The following PLS3 variants were observed in gnomAD, a reference collection of about 807,000 sequenced individuals.
PLS3 encodes the protein plastin-3.
In PLS3, 11 loss-of-function variants were observed where a neutral mutation model predicts 46.5. That is an observed-to-expected ratio of 0.24 (90% confidence interval 0.15 to 0.39). The LOEUF is 0.39. Among genes scored for constraint, PLS3 ranks in the 10% least tolerant of loss-of-function variants. The probability of loss-of-function intolerance (pLI) is 1.00; values close to 1 mark genes in which losing one functional copy is unlikely to be tolerated. For synonymous variants in PLS3, 167 were observed against 162.2 expected (o/e 1.03, Z -0.22); for missense variants, 308 against 461.8 (o/e 0.67, Z 3.05).
intron 1 of PLS3, among the ~76,000 whole-genome samples, chrX:115,577,635 G>A (rs1301554030): frequency 9.0e-6 from 1 of 110,557 alleles, no homozygotes; most frequent in Non-Finnish European, 1.9e-5. Context: ...GCACCACCAC[G>A]TCTGGATAAT....
chrX:115,632,745 C>T lies in PLS3; in HGVS notation c.501-1255C>T, dbSNP rs1433188939. Among the ~76,000 whole-genome samples, 5 of 109,705 alleles carry T rather than the reference C, an allele frequency of 4.6e-5. No individual in the cohort carries two copies. The Admixed American group carries it at 4.9e-4, about 11-fold the overall frequency. On this transcript the variant is annotated intron_variant, in intron 5 of 15. Transcript: ENST00000355899. ...AAAATATATTCAATAAAGTTCCACCCCCCACTTTTTTTTTTTTCTTTGAGA... is the reference window on the plus strand; with the variant it reads ...AAAATATATTCAATAAAGTTCCACCTCCCACTTTTTTTTTTTTCTTTGAGA...
At chrX:115,562,085 C>T (rs976095431) in intron 1 of PLS3, among the ~76,000 whole-genome samples, 66 of 110,359 alleles carry the variant, frequency 6.0e-4, no homozygotes, top group African/African-American at 2.1e-3. Context: ...TCTCCCGACT[C>T]TTGGAGAGGG....
intron 1 of PLS3, among the ~76,000 whole-genome samples, chrX:115,582,712 ACT>A (rs1250325126): frequency 8.9e-6 from 1 of 111,962 alleles, no homozygotes; most frequent in African/African-American, 3.2e-5. Context: ...GCTGAATTAA[ACT>A]CTCTCTGGAG....
At chrX:115,642,879 A>G (rs1390201142) in intron 9 of PLS3, among the ~76,000 whole-genome samples, 2 of 111,678 alleles carry the variant, frequency 1.8e-5, no homozygotes, top group Non-Finnish European at 3.8e-5. Context: ...ATTTTAACAT[A>G]ATTCTACTGA....
intron 3 of PLS3, among the ~76,000 whole-genome samples, chrX:115,623,999 G>T (rs2074683036): frequency 9.0e-6 from 1 of 111,719 alleles, no homozygotes; most frequent in Non-Finnish European, 1.9e-5. Context: ...GGAGGCCAAG[G>T]CGGGTGGATC....
At position 115,642,465 on chromosome X, in the gene PLS3, C is replaced by G. The variant is rs147381898; in HGVS notation, c.988-848C>G. Among the ~76,000 whole-genome samples the G allele has an allele frequency of 4.0e-3, 445 of 111,490 alleles. 1 individual carries two copies. The highest frequency in any genetic ancestry group is 0.013 in the African/African-American group (410 of 30,705). Reference sequence around the variant, plus strand: ...TGAAGGTGTCTGTCTTCTCCCTCAGCCAGGGAAGCCTACTTCCACAGCTCA... The same window carrying G: ...TGAAGGTGTCTGTCTTCTCCCTCAGGCAGGGAAGCCTACTTCCACAGCTCA... On this transcript the variant is annotated intron_variant, in intron 9 of 15. Coordinates refer to ENST00000355899, the MANE Select transcript of PLS3 (RefSeq NM_005032.7).
chrX:115,581,083 A>G (rs781931248), intron 1 of PLS3, among the ~76,000 whole-genome samples: 186 of 111,239 alleles, frequency 1.7e-3, no homozygotes, highest in African/African-American at 5.6e-3. Flanking sequence ...TTAATGGCCA[A>G]AATTGAAGTT....
At chrX:115,605,850 T>C (rs1194635976) in intron 1 of PLS3, among the ~76,000 whole-genome samples, 6 of 111,756 alleles carry the variant, frequency 5.4e-5, no homozygotes, top group Non-Finnish European at 1.1e-4. Context: ...TTTTTTCTTC[T>C]AAAAAAATGG....
At chrX:115,589,709 G>A (rs969485930) in intron 1 of PLS3, among the ~76,000 whole-genome samples, 2 of 112,196 alleles carry the variant, frequency 1.8e-5, no homozygotes, top group East Asian at 5.6e-4. Flanking sequence ...GATGAAAGTT[G>A]TAAGAGACTT....
At chrX:115,572,849 T>G (rs2074224303) in intron 1 of PLS3, among the ~76,000 whole-genome samples, 1 of 110,641 alleles carries the variant, frequency 9.0e-6, no homozygotes, top group Admixed American at 9.7e-5. Context: ...ATCCCAGCAA[T>G]TAGGGAGGCC....
intron 1 of PLS3, among the ~76,000 whole-genome samples, chrX:115,605,653 G>A (rs2074483611): frequency 9.1e-6 from 1 of 110,413 alleles, no homozygotes; most frequent in Admixed American, 9.7e-5. Context: ...TGGTAGAGAC[G>A]AGGTTTCACC....
At chrX:115,606,856 C>T (rs1418257998) in intron 1 of PLS3, among the ~76,000 whole-genome samples, 1 of 110,882 alleles carries the variant, frequency 9.0e-6, no homozygotes, top group East Asian at 2.8e-4. Context: ...TTTTTGGAGG[C>T]GAGGTCTCAC....
intron 1 of PLS3, among the ~76,000 whole-genome samples, chrX:115,570,935 G>A (rs1423978359): frequency 8.9e-5 from 8 of 89,566 alleles, no homozygotes; most frequent in Non-Finnish European, 1.7e-4. Flanking sequence ...TCACTGTGTC[G>A]TCCAGGCTGG....
At chrX:115,572,076 T>C (rs2522179) in intron 1 of PLS3, among the ~76,000 whole-genome samples, 19,111 of 111,557 alleles carry the variant, frequency 0.17, 1,520 homozygotes, top group East Asian at 0.36. Flanking sequence ...TATCATTAAG[T>C]GTAACTAACA....
chrX:115,576,003 G>C lies in PLS3; in HGVS notation c.-9+14743G>C, dbSNP rs2074246411. ...AAGTACATGATAAATGCTTTGAAATGCAATGGGTTCAATCAACCAAAAGCA... is the reference window on the plus strand; with the variant it reads ...AAGTACATGATAAATGCTTTGAAATCCAATGGGTTCAATCAACCAAAAGCA... On this transcript the variant is annotated intron_variant, in intron 1 of 15. Transcript: ENST00000355899. 2.7e-5 allele frequency among the ~76,000 whole-genome samples: 3 copies of C among 111,771 alleles called. No homozygotes were observed. The South Asian group carries it at 1.1e-3, about 42-fold the overall frequency.
chrX:115,640,332 C>A, intron 8 of PLS3, 76 bp from the exon 9 acceptor site: 1 of 714,412 alleles, frequency 1.4e-6, no homozygotes, highest in Non-Finnish European at 2.2e-6. Flanking sequence ...ATGCAAATAG[C>A]CTTCCAAACA....
chrX:115,622,272 G>T lies in PLS3; in HGVS notation c.100G>T (p.Asp34Tyr), dbSNP rs2074663910. The change falls in exon 3 of 16, where the codon GAC becomes TAC. Residue 34 changes from aspartate (D) to tyrosine (Y), a missense_variant. Physicochemically the swap from Asp to Tyr is radical, Grantham distance 160. Around this residue, in one of 2 missense-constraint regions of PLS3, gnomAD observed 37 missense variants for 26.1 expected, o/e 1.42. Transcript: ENST00000355899. ...TCTCAACAGCAACGGATTCATTTGTGACTATGAACTTCATGAGCTCTTCAA... is the reference window on the plus strand; with the variant it reads ...TCTCAACAGCAACGGATTCATTTGTTACTATGAACTTCATGAGCTCTTCAA... Reference protein sequence around the residue: ...VDLNSNGFICDYELHELFKEA... With the variant: ...VDLNSNGFICYYELHELFKEA... 3.3e-6 allele frequency: 4 copies of T among 1,197,020 alleles called. No homozygotes were observed. In the East Asian group the frequency reaches 1.2e-4, roughly 36 times the overall value.
At chrX:115,643,174 G>T in intron 9 of PLS3, 139 bp from the exon 10 acceptor site, 22 of 430,091 alleles carry the variant, frequency 5.1e-5, no homozygotes, top group African/African-American at 1.5e-4. Flanking sequence ...CTTTTTTTTT[G>T]CATTCAAAAC....
chrX:115,593,477 G>GTGT (rs1320781610), intron 1 of PLS3: 1 of 111,373 alleles, frequency 9.0e-6, no homozygotes, highest in Admixed American at 9.6e-5. Context: ...TTTTGTCAGG[G>GTGT]TGTTCTCTTT....
Sources: gnomAD v4.1 joint callset for allele counts (sites outside exome capture counted in the v4.1 genomes callset) on GRCh38, gnomAD v4.1.1 for gene constraint, gnomAD v4.1.1 regional missense constraint, MANE v1.5 for transcripts, NCBI Gene and HGNC (gene_info 2026-07-23, HGNC 2026-07-21) for gene names.